The following PRICKLE2 variants were observed in gnomAD, a reference collection of about 807,000 sequenced individuals.
PRICKLE2 encodes prickle-like protein 2.
PRICKLE2 carries 21 observed loss-of-function variants against 81.4 expected under a neutral mutation model. The ratio of observed to expected loss-of-function variants is 0.26; its 90% CI spans 0.18 to 0.37. PRICKLE2 has a LOEUF of 0.37. Among genes scored for constraint, PRICKLE2 ranks in the 10% least tolerant of loss-of-function variants. PRICKLE2 has a pLI of 1.00. For missense variants in PRICKLE2, 940 were observed against 1,109.0 expected, an observed-to-expected ratio of 0.85 and a Z score of 2.16; for synonymous variants, 456 against 421.5, an observed-to-expected ratio of 1.08 and a Z score of -1.00.
rs367562449 is a variant in PRICKLE2, at chr3:64,231,771, C to A, written c.129-32804G>T. On this transcript the variant is annotated intron_variant, in intron 2 of 8. Coordinates refer to the PRICKLE2 transcript ENST00000295902. ...ATACTTTATCTCATTTAGTCCTCACCATAAACCAAAAATGTAGCATTTATT... is the reference window on the plus strand; with the variant it reads ...ATACTTTATCTCATTTAGTCCTCACAATAAACCAAAAATGTAGCATTTATT... Among the ~76,000 whole-genome samples the A allele has an allele frequency of 5.3e-5, 8 of 152,238 alleles. No homozygotes were observed. The South Asian group carries it at 1.7e-3, about 32-fold the overall frequency.
upstream of PRICKLE2, among the ~76,000 whole-genome samples, chr3:64,230,427 T>A (rs1328207114): frequency 6.6e-6 from 1 of 152,164 alleles, no homozygotes; most frequent in African/African-American, 2.4e-5. Context: ...AAGAAAATAT[T>A]GTAAATTTTA....
chr3:64,109,689 C>T lies in PRICKLE2; in HGVS notation c.1661-9764G>A, dbSNP rs553836711. On this transcript the variant is annotated intron_variant, in intron 7 of 7. Transcript: ENST00000638394. ...TCAGTCAGGCATGGGCTGTTTAGGC[C>T]CAAACTAAATAACAGCCTCTTTACA... is the stretch of plus-strand genomic sequence containing the variant. 1.6e-3 allele frequency among the ~76,000 whole-genome samples: 247 copies of T among 152,294 alleles called. 1 individual carries two copies. Among genetic ancestry groups the T allele is most frequent in the Non-Finnish European group, 3.0e-3 (207 of 68,028 alleles).
chr3:64,198,732 A>G, intron 2 of PRICKLE2, 52 bp downstream of exon 2: 7 of 1,572,930 alleles, frequency 4.5e-6, no homozygotes, highest in Non-Finnish European at 6.1e-6. Flanking sequence ...AAGGACCAGT[A>G]AGGCAAAGTG....
intron 2 of PRICKLE2, among the ~76,000 whole-genome samples, chr3:64,261,400 T>C (rs953602415): frequency 6.6e-6 from 1 of 152,146 alleles, no homozygotes. Context: ...TCACTGAAGA[T>C]GGGATTTAAA....
intron 2 of PRICKLE2, among the ~76,000 whole-genome samples, chr3:64,171,135 C>T (rs1158315798): frequency 6.6e-6 from 1 of 152,108 alleles, no homozygotes; most frequent in Admixed American, 6.6e-5. Flanking sequence ...AAAGGTTATT[C>T]CCCCAGATAT....
intron 6 of PRICKLE2, among the ~76,000 whole-genome samples, chr3:64,150,849 G>A (rs2077533739): frequency 6.6e-6 from 1 of 152,242 alleles, no homozygotes; most frequent in Non-Finnish European, 1.5e-5. Flanking sequence ...ATATCATAAA[G>A]CGGCCTGGCA....
At chr3:64,209,427 T>A (rs558481634) in intron 1 of PRICKLE2, among the ~76,000 whole-genome samples, 1 of 152,174 alleles carries the variant, frequency 6.6e-6, no homozygotes. Context: ...TTCATATCCA[T>A]AAATACATCC....
chr3:64,099,309 A>G lies in PRICKLE2; in HGVS notation c.2277T>C (p.Asn759=). The change falls in exon 8 of 8, where the codon AAT becomes AAC. Residue 759 remains asparagine, a synonymous_variant. Transcript: ENST00000638394. This position sits in a 1 kb window ranked among gnomAD's most constrained non-coding sequence, Gnocchi z 4.3. ...AGGGTCCCCAGCGGTCCCCAAAGGC[A>G]TTCTGCAAAGCCAGGTCCGACACAG... is the stretch of plus-strand genomic sequence containing the variant. ...PRTVSDLALQ[N]AFGDRWGPYF... is the part of the protein sequence containing the mutation. 2 of 1,614,244 alleles carry G rather than the reference A, an allele frequency of 1.2e-6. No homozygotes were observed. Among genetic ancestry groups the G allele is most frequent in the Non-Finnish European group, 1.7e-6 (2 of 1,180,048 alleles).
chr3:64,207,998 A>C lies in PRICKLE2; in HGVS notation c.-40-9031T>G, dbSNP rs140588318. On this transcript the variant is annotated intron_variant, in intron 1 of 7. Coordinates refer to ENST00000638394, the MANE Select transcript of PRICKLE2 (RefSeq NM_198859.4). ...TGTAGCCCATTTTCCCTGAGTTTCCAATGAAAGCATCAACTCTTCACATGC... is the reference window on the plus strand; with the variant it reads ...TGTAGCCCATTTTCCCTGAGTTTCCCATGAAAGCATCAACTCTTCACATGC... Among the ~76,000 whole-genome samples, 7 of 152,310 alleles carry C rather than the reference A, an allele frequency of 4.6e-5. No individual in the cohort carries two copies. In the East Asian group the frequency reaches 1.4e-3, roughly 29 times the overall value.
chr3:64,162,451 C>T (rs1280061255), intron 3 of PRICKLE2, among the ~76,000 whole-genome samples: 2 of 152,130 alleles, frequency 1.3e-5, no homozygotes, highest in Admixed American at 1.3e-4. Flanking sequence ...GAAAAAAGGA[C>T]AGTCTGCTAG....
At chr3:64,199,224 C>A (rs2078522948) in intron 1 of PRICKLE2, 1 of 587,972 alleles carries the variant, frequency 1.7e-6, no homozygotes, top group Non-Finnish European at 3.0e-6. Context: ...GGACCCCAGC[C>A]TTCTCTTCTA....
At chr3:64,246,716 T>G (rs1372718810) in intron 2 of PRICKLE2, among the ~76,000 whole-genome samples, 2 of 152,222 alleles carry the variant, frequency 1.3e-5, no homozygotes, top group Non-Finnish European at 2.9e-5. Context: ...GATCACACTT[T>G]GAGGAACACT....
chr3:64,100,031 G>T, intron 7 of PRICKLE2, 106 bp from the exon 8 acceptor site: 1 of 1,289,064 alleles, frequency 7.8e-7, no homozygotes, highest in Non-Finnish European at 1.1e-6. Flanking sequence ...CCGTTGTGAA[G>T]TTGTGTACTG....
chr3:64,183,625 T>C (rs113366143), intron 2 of PRICKLE2, among the ~76,000 whole-genome samples: 104 of 152,300 alleles, frequency 6.8e-4, no homozygotes, highest in African/African-American at 2.5e-3. Context: ...CTATAGAGTA[T>C]ATCACAGCAA....
upstream of PRICKLE2, chr3:64,225,628 T>C (rs2079020890): frequency 1.6e-5 from 3 of 185,572 alleles, no homozygotes; most frequent in South Asian, 3.7e-4. Context: ...AAGGAAGCCT[T>C]TGCTGGATGC....
chr3:64,169,402 A>C (rs748768510), intron 2 of PRICKLE2, among the ~76,000 whole-genome samples: 18 of 152,172 alleles, frequency 1.2e-4, no homozygotes, highest in Non-Finnish European at 2.2e-4. Context: ...TGAACTTCTG[A>C]GTGAGAGAAA....
chr3:64,118,347 G>C (rs1069979), intron 7 of PRICKLE2, among the ~76,000 whole-genome samples: 80,866 of 151,960 alleles, frequency 0.53, 21,986 homozygotes, highest in South Asian at 0.62. Flanking sequence ...TGACAAATGG[G>C]ATCTAATTAA....
At chr3:64,114,832 C>G (rs1000211240) in intron 7 of PRICKLE2, among the ~76,000 whole-genome samples, 9 of 152,064 alleles carry the variant, frequency 5.9e-5, no homozygotes, top group African/African-American at 2.2e-4. Context: ...CTTCCCCAAC[C>G]TAGCTAGAGA....
At chr3:64,244,603 GGTGTGT>G (rs71680837) in intron 2 of PRICKLE2, among the ~76,000 whole-genome samples, 16 of 91,692 alleles carry the variant, frequency 1.7e-4, no homozygotes, top group African/African-American at 4.4e-4. Flanking sequence ...GTGAATGACT[GGTGTGT>G]GTGTGTGTGT....
Sources: allele counts gnomAD v4.1 joint callset (sites outside exome capture counted in the v4.1 genomes callset), GRCh38; gene constraint gnomAD v4.1.1; non-coding constraint Gnocchi (gnomAD v3.1); transcripts MANE v1.5; gene names NCBI Gene and HGNC (gene_info 2026-07-23, HGNC 2026-07-21).